Variants in YEATS2 observed in about 807,000 individuals in gnomAD.
YEATS2 encodes YEATS domain containing 2.
In YEATS2, 77 loss-of-function variants were observed where a neutral mutation model predicts 163.2. That is an observed-to-expected ratio of 0.47 (90% CI 0.39 to 0.57). The LOEUF is 0.57. Ranked by LOEUF, YEATS2 falls within the 20% of genes least tolerant of loss-of-function variation. The pLI is 0.00. For missense variants in YEATS2, 1,549 were observed against 1,729.8 expected (o/e 0.90, Z 1.85); for synonymous variants, 631 against 645.1 (o/e 0.98, Z 0.33).
intron 19 of YEATS2, 73 bp downstream of exon 19, chr3:183,777,773 C>A: frequency 6.6e-7 from 1 of 1,511,910 alleles, no homozygotes; most frequent in African/African-American, 1.4e-5. Context: ...CATGTAGTTT[C>A]TCTCTTTTCA....
At chr3:183,726,809 T>G (rs1397529363) in intron 6 of YEATS2, among the ~76,000 whole-genome samples, 1 of 152,186 alleles carries the variant, frequency 6.6e-6, no homozygotes, top group Admixed American at 6.5e-5. Context: ...TTGTTTTGTT[T>G]TGTTTTTCCA....
intron 17 of YEATS2, among the ~76,000 whole-genome samples, chr3:183,775,032 A>T (rs926692614): frequency 6.6e-6 from 1 of 152,214 alleles, no homozygotes; most frequent in Non-Finnish European, 1.5e-5. Flanking sequence ...GTATTTGTTG[A>T]GTGAATATTC....
chr3:183,715,671 G>A (rs1715776046), intron 2 of YEATS2, among the ~76,000 whole-genome samples: 1 of 152,148 alleles, frequency 6.6e-6, no homozygotes, highest in South Asian at 2.1e-4. Flanking sequence ...TAGTTCCATA[G>A]CTACAAGGAT....
chr3:183,752,353 A>G, intron 10 of YEATS2, 100 bp downstream of exon 10: 1 of 1,404,392 alleles, frequency 7.1e-7, no homozygotes, highest in Non-Finnish European at 9.9e-7. Flanking sequence ...ACTTTGCTAT[A>G]AGTGGACATG....
intron 3 of YEATS2, among the ~76,000 whole-genome samples, chr3:183,718,153 A>C (rs1407917726): frequency 6.6e-6 from 1 of 152,228 alleles, no homozygotes; most frequent in Non-Finnish European, 1.5e-5. Flanking sequence ...TGCCTCTATC[A>C]GAATATCTTA....
intron 1 of YEATS2, among the ~76,000 whole-genome samples, chr3:183,713,053 G>T (rs183455781): frequency 4.2e-3 from 646 of 152,168 alleles, no homozygotes; most frequent in Non-Finnish European, 7.4e-3. Flanking sequence ...GAGCCACCTT[G>T]CCTGTACATG....
chr3:183,750,961 C>T (rs1349275320), intron 9 of YEATS2, among the ~76,000 whole-genome samples: 1 of 152,088 alleles, frequency 6.6e-6, no homozygotes. Flanking sequence ...TTTGATGTCC[C>T]GTTTGTCTAT....
At position 183,760,689 on chromosome 3, in the gene YEATS2, G is replaced by C. The variant is rs145952986; in HGVS notation, c.1657-818G>C. On this transcript the variant is annotated intron_variant, in intron 13 of 30. Transcript: ENST00000305135. The stretch of plus-strand genomic sequence containing the variant: ...CTGTGCCAAATTATTCAAGTTTTTT[G>C]TTTGTTTGCTTGTTTTTTAAGTTTT... Among the ~76,000 whole-genome samples the C allele has an allele frequency of 4.2e-4, 64 of 152,050 alleles. No individual in the cohort carries two copies. The East Asian group carries it at 7.0e-3, about 17-fold the overall frequency.
intron 12 of YEATS2, among the ~76,000 whole-genome samples, chr3:183,757,508 C>T (rs1344385408): frequency 6.6e-6 from 1 of 151,952 alleles, no homozygotes; most frequent in Non-Finnish European, 1.5e-5. Context: ...CCAGGCTGGT[C>T]TCAAACTCCA....
intron 21 of YEATS2, 134 bp downstream of exon 21, chr3:183,791,114 A>G (rs777840503): frequency 1.7e-5 from 21 of 1,216,332 alleles, no homozygotes; most frequent in Non-Finnish European, 1.9e-5. Context: ...ACTCACTGCA[A>G]CCTCTGCCTT....
chr3:183,800,126 C>G (rs1725533387), intron 23 of YEATS2, among the ~76,000 whole-genome samples: 1 of 152,198 alleles, frequency 6.6e-6, no homozygotes, highest in South Asian at 2.1e-4. Flanking sequence ...GCCACCGCGC[C>G]CGGCCCAGAG....
intron 22 of YEATS2, among the ~76,000 whole-genome samples, chr3:183,798,639 C>A (rs1246180187): frequency 6.6e-6 from 1 of 152,194 alleles, no homozygotes; most frequent in African/African-American, 2.4e-5. Flanking sequence ...CAGGTGTGAG[C>A]CACTGCCCCT....
At chr3:183,727,404 C>T (rs1577066620) in intron 6 of YEATS2, among the ~76,000 whole-genome samples, 1 of 152,138 alleles carries the variant, frequency 6.6e-6, no homozygotes, top group South Asian at 2.1e-4. Flanking sequence ...GCCTGAACTT[C>T]CAGGCCTGGC....
chr3:183,782,685 A>G (rs1002508919), intron 19 of YEATS2, among the ~76,000 whole-genome samples: 4 of 152,152 alleles, frequency 2.6e-5, no homozygotes, highest in Non-Finnish European at 5.9e-5. Context: ...CGGCTTCCCA[A>G]AGTGCTGGGA....
chr3:183,715,801 C>T (rs1208467554), intron 2 of YEATS2, among the ~76,000 whole-genome samples: 4 of 151,948 alleles, frequency 2.6e-5, no homozygotes, highest in African/African-American at 9.7e-5. Flanking sequence ...CTAGTTCAAC[C>T]CTTGTACTTA....
chr3:183,797,978 T>A lies in YEATS2; in HGVS notation c.3153T>A (p.Ile1051=), dbSNP rs1291993595. The change falls in exon 22 of 31, where the codon ATT becomes ATA. Residue 1051 remains isoleucine (I), a synonymous_variant. Coordinates refer to ENST00000305135, the MANE Select transcript of YEATS2 (RefSeq NM_018023.5). ...QSSPQQAVLT[I]PSQLKPLSVN... ...GTCCGCAGCAGGCCGTCCTGACGAT[T>A]CCCAGCCAGCTCAAACCACTCAGCG... 4.3e-6 allele frequency: 7 copies of A among 1,614,056 alleles called. No individual in the cohort carries two copies. The highest frequency in any genetic ancestry group is 5.1e-6 in the Non-Finnish European group (6 of 1,180,020).
chr3:183,804,821 A>T (rs1247121140), intron 27 of YEATS2, among the ~76,000 whole-genome samples: 1 of 151,862 alleles, frequency 6.6e-6, no homozygotes, highest in Non-Finnish European at 1.5e-5. Context: ...CCCCATCTCT[A>T]CTAAAAAAAC....
chr3:183,737,860 T>C (rs945245462), intron 8 of YEATS2, among the ~76,000 whole-genome samples: 1 of 152,188 alleles, frequency 6.6e-6, no homozygotes, highest in African/African-American at 2.4e-5. Flanking sequence ...TCTCAGTAGA[T>C]ACTTGATTTT....
chr3:183,738,003 T>TA (rs1560254182), intron 8 of YEATS2, among the ~76,000 whole-genome samples: 1 of 152,194 alleles, frequency 6.6e-6, no homozygotes, highest in Admixed American at 6.5e-5. Context: ...CTTTTTTTTT[T>TA]ATTAAATCTG....
Sources: gnomAD v4.1 joint callset for allele counts (sites outside exome capture counted in the v4.1 genomes callset) on GRCh38, gnomAD v4.1.1 for gene constraint, MANE v1.5 for transcripts, NCBI Gene and HGNC (gene_info 2026-07-23, HGNC 2026-07-21) for gene names.